Variants in PDE11A observed in about 807,000 individuals in gnomAD.
PDE11A encodes phosphodiesterase 11A, also known as dual 3',5'-cyclic-AMP and -GMP phosphodiesterase 11A.
Under a neutral mutation model 100.5 loss-of-function variants are expected in PDE11A, and 100 were observed. The observed-to-expected ratio is 1.00, with a 90% CI of 0.85 to 1.18. The LOEUF (loss-of-function observed/expected upper bound fraction) is 1.18. Among genes scored for constraint, PDE11A ranks in the 50% most tolerant of loss-of-function variants. The pLI is 0.00. For synonymous variants in PDE11A, 381 were observed against 420.8 expected, an observed-to-expected ratio of 0.91 and a Z score of 1.16; for missense variants, 1,141 against 1,152.6, an observed-to-expected ratio of 0.99 and a Z score of 0.15.
chr2:177,684,670 A>ATGGGATCTGCCTTGTAGGG (rs1365030279), intron 15 of PDE11A, among the ~76,000 whole-genome samples: 1 of 152,238 alleles, frequency 6.6e-6, no homozygotes, highest in Non-Finnish European at 1.5e-5. Flanking sequence ...AGTTATAGTA[A>ATGGGATCTGCCTTGTAGGG]TGGGATCTGC....
chr2:177,736,294 C>T (rs1271559281), intron 10 of PDE11A, among the ~76,000 whole-genome samples: 37 of 151,792 alleles, frequency 2.4e-4, no homozygotes, highest in Non-Finnish European at 2.5e-4. Context: ...GGTGGATCAA[C>T]AGAGGTCAGG....
intron 19 of PDE11A, among the ~76,000 whole-genome samples, chr2:177,644,852 A>G (rs1475578024): frequency 6.6e-6 from 1 of 152,180 alleles, no homozygotes; most frequent in Non-Finnish European, 1.5e-5. Context: ...TAAGTCTTAG[A>G]AAGTCTGACA....
intron 5 of PDE11A, among the ~76,000 whole-genome samples, chr2:177,855,198 C>T (rs548531955): frequency 6.6e-6 from 1 of 152,114 alleles, no homozygotes; most frequent in East Asian, 1.9e-4. Context: ...TCATTATATA[C>T]TGTGGAAATA....
At chr2:178,037,660 G>C (rs2086631917) in intron 1 of PDE11A, among the ~76,000 whole-genome samples, 1 of 152,138 alleles carries the variant, frequency 6.6e-6, no homozygotes, top group Non-Finnish European at 1.5e-5. Flanking sequence ...AGAAAATGTG[G>C]CACATATACA....
chr2:177,966,936 C>CTTCT (rs1314017788), intron 2 of PDE11A, among the ~76,000 whole-genome samples: 1 of 152,014 alleles, frequency 6.6e-6, no homozygotes, highest in Non-Finnish European at 1.5e-5. Flanking sequence ...GGTGACAGCT[C>CTTCT]TTCTTTATAC....
intron 1 of PDE11A, among the ~76,000 whole-genome samples, chr2:178,047,969 A>G (rs916585088): frequency 2.0e-5 from 3 of 152,182 alleles, no homozygotes; most frequent in African/African-American, 7.2e-5. Flanking sequence ...GAAGGTGACT[A>G]AGATAACAAG....
chr2:177,966,295 T>A (rs2085696810), intron 2 of PDE11A, among the ~76,000 whole-genome samples: 1 of 152,178 alleles, frequency 6.6e-6, no homozygotes, highest in Non-Finnish European at 1.5e-5. Context: ...AATCATATCA[T>A]CTGGGAAGAG....
chr2:177,859,242 A>G (rs2083900269), intron 5 of PDE11A, among the ~76,000 whole-genome samples: 1 of 152,058 alleles, frequency 6.6e-6, no homozygotes, highest in African/African-American at 2.4e-5. Flanking sequence ...AAGTATAATA[A>G]AAAAATAAAA....
At chr2:178,045,677 G>A (rs190331387) in intron 1 of PDE11A, among the ~76,000 whole-genome samples, 9 of 152,250 alleles carry the variant, frequency 5.9e-5, no homozygotes, top group South Asian at 2.1e-4. Context: ...TAGTAGTATC[G>A]CCTTCACAGG....
intron 2 of PDE11A, among the ~76,000 whole-genome samples, chr2:177,943,302 T>C (rs2085366402): frequency 6.6e-6 from 1 of 152,210 alleles, no homozygotes; most frequent in African/African-American, 2.4e-5. Flanking sequence ...GCCATACTGT[T>C]TTCCAGAGCA....
At chr2:177,861,925 G>T (rs1370745097) in intron 5 of PDE11A, among the ~76,000 whole-genome samples, 1 of 151,830 alleles carries the variant, frequency 6.6e-6, no homozygotes, top group African/African-American at 2.4e-5. Context: ...AACTTAAAGT[G>T]GATCAAGGGC....
chr2:177,816,199 A>T (rs1162689112), intron 9 of PDE11A, among the ~76,000 whole-genome samples: 2 of 152,210 alleles, frequency 1.3e-5, no homozygotes, highest in Non-Finnish European at 2.9e-5. Context: ...CAAAAAAAAC[A>T]AAAACAAAAA....
chr2:177,816,957 G>A (rs1278078999), intron 8 of PDE11A, 36 bp from the exon 9 acceptor site: 4 of 1,255,568 alleles, frequency 3.2e-6, no homozygotes, highest in Non-Finnish European at 4.7e-6. Flanking sequence ...AAACATTGCA[G>A]CAACTCATTG....
intron 15 of PDE11A, among the ~76,000 whole-genome samples, chr2:177,691,963 T>C (rs912962019): frequency 2.8e-4 from 42 of 152,188 alleles, no homozygotes; most frequent in Non-Finnish European, 7.4e-5. Flanking sequence ...CTTTTGAAAA[T>C]CCACTTGTAA....
At chr2:177,649,444 G>A (rs2080275283) in intron 19 of PDE11A, among the ~76,000 whole-genome samples, 1 of 151,968 alleles carries the variant, frequency 6.6e-6, no homozygotes. Context: ...CCATCAAAAA[G>A]AATGAGACAT....
At chr2:177,904,580 G>A (rs1287724476) in intron 3 of PDE11A, among the ~76,000 whole-genome samples, 1 of 147,206 alleles carries the variant, frequency 6.8e-6, no homozygotes, top group Non-Finnish European at 1.5e-5. Context: ...TTTTGAGATG[G>A]AGTCTAGTCT....
At chr2:177,683,788 T>C (rs2105510403) in intron 15 of PDE11A, among the ~76,000 whole-genome samples, 1 of 152,190 alleles carries the variant, frequency 6.6e-6, no homozygotes, top group Non-Finnish European at 1.5e-5. Flanking sequence ...TGAAGTGAAA[T>C]AGAAAGGGAA....
intron 2 of PDE11A, among the ~76,000 whole-genome samples, chr2:177,913,759 G>A (rs768547319): frequency 1.6e-4 from 24 of 152,070 alleles, no homozygotes; most frequent in Non-Finnish European, 3.1e-4. Context: ...AATATTCTAG[G>A]GGGTGGTTGT....
At chr2:177,789,478 C>T (rs895356926) in intron 9 of PDE11A, among the ~76,000 whole-genome samples, 1 of 151,596 alleles carries the variant, frequency 6.6e-6, no homozygotes, top group Non-Finnish European at 1.5e-5. Flanking sequence ...AAAACTGGCA[C>T]AAGACAGGGA....
Sources: allele counts gnomAD v4.1 joint callset (sites outside exome capture counted in the v4.1 genomes callset), GRCh38; gene constraint gnomAD v4.1.1; transcripts MANE v1.5; gene names NCBI Gene and HGNC (gene_info 2026-07-23, HGNC 2026-07-21).